Variants in ERAP1 observed in about 807,000 individuals in gnomAD.
ERAP1 encodes endoplasmic reticulum aminopeptidase 1, also known as adipocyte-derived leucine aminopeptidase.
ERAP1 carries 86 observed loss-of-function variants against 103.7 expected under a neutral mutation model. The observed-to-expected ratio is 0.83, with a 90% confidence interval of 0.70 to 0.99. ERAP1 has a LOEUF of 0.99. ERAP1 is among the 50% of genes least tolerant of loss of function. The pLI is 0.00. For synonymous variants in ERAP1, 398 were observed against 402.4 expected (o/e 0.99, Z 0.13); for missense variants, 1,009 against 1,128.4 (o/e 0.89, Z 1.52).
the ERAP1 span, chr5:96,889,631 G>A: frequency 3.1e-6 from 2 of 637,476 alleles, no homozygotes; most frequent in East Asian, 2.6e-5. Context: ...AAGAGATGGG[G>A]AGAAAAAGAA....
chr5:96,891,000 C>T, the ERAP1 span, among the ~76,000 whole-genome samples: 11 of 152,206 alleles, frequency 7.2e-5, no homozygotes, highest in East Asian at 1.9e-3. Context: ...AGATATAAGT[C>T]CCACTACTAT....
At chr5:96,760,928 A>G (rs576329063) in exon 20 of ERAP1, 1 of 152,144 alleles carries the variant, frequency 6.6e-6, no homozygotes, top group South Asian at 2.1e-4. Flanking sequence ...ACTAAAAAGC[A>G]TTTTTCAGTA....
At chr5:96,877,242 T>C in the ERAP1 span, among the ~76,000 whole-genome samples, 3 of 152,244 alleles carry the variant, frequency 2.0e-5, no homozygotes, top group Non-Finnish European at 2.9e-5. Flanking sequence ...CCCAAAATGC[T>C]GGCATTACAG....
At chr5:96,797,898 G>C (rs953519823) in intron 3 of ERAP1, among the ~76,000 whole-genome samples, 1 of 152,158 alleles carries the variant, frequency 6.6e-6, no homozygotes, top group African/African-American at 2.4e-5. Flanking sequence ...CCAAGATGTG[G>C]CTGATCCACT....
In ERAP1 at chr5:96,774,900, A is replaced by AT. The variant is rs138292903; in HGVS notation, c.*1495dup. Reference sequence around the variant, plus strand: ...ATTTTGTCGTGTATTAGGGGAACACATTTTGACATTTTTCGTACCAATCAT... The same window carrying AT: ...ATTTTGTCGTGTATTAGGGGAACACATTTTTGACATTTTTCGTACCAATCAT... On this transcript the variant is annotated 3_prime_UTR_variant, in exon 19 of 19. Coordinates refer to ENST00000443439, the MANE Select transcript of ERAP1 (RefSeq NM_001040458.3). The AT allele has an allele frequency of 0.071, 69,646 of 985,428 alleles. 2,668 individuals are homozygous for AT. The highest frequency in any genetic ancestry group is 0.13 in the South Asian group (2,812 of 21,280). 61.0% of individuals were successfully genotyped at this position (985,428 alleles called of 1,614,324 possible).
the ERAP1 span, among the ~76,000 whole-genome samples, chr5:96,911,796 G>C: frequency 6.9e-6 from 1 of 145,276 alleles, no homozygotes; most frequent in Non-Finnish European, 1.5e-5. Context: ...TTGTGCAGGA[G>C]GCTGAGGCTA....
chr5:96,873,017 C>T, the ERAP1 span, among the ~76,000 whole-genome samples: 887 of 151,980 alleles, frequency 5.8e-3, 9 homozygotes, highest in African/African-American at 0.02. Context: ...GGTGAAACCC[C>T]GTCTCTACTA....
the ERAP1 span, among the ~76,000 whole-genome samples, chr5:96,894,082 C>G: frequency 1.3e-5 from 2 of 152,202 alleles, no homozygotes; most frequent in African/African-American, 4.8e-5. Flanking sequence ...TATTTGTCTA[C>G]TGGTTGACCT....
At chr5:96,808,884 A>G (rs1778975572), upstream of ERAP1, among the ~76,000 whole-genome samples, 1 of 152,228 alleles carries the variant, frequency 6.6e-6, no homozygotes, top group African/African-American at 2.4e-5. Flanking sequence ...TGCGCAAGAA[A>G]GAATTTGAGG....
chr5:96,890,109 T>A, the ERAP1 span, among the ~76,000 whole-genome samples: 1 of 152,190 alleles, frequency 6.6e-6, no homozygotes, highest in African/African-American at 2.4e-5. Context: ...ATGATACTCA[T>A]AGTCTATCTT....
chr5:96,776,501 A>G lies in ERAP1; in HGVS notation c.2721T>C (p.Cys907=). Reference sequence around the variant, plus strand: ...CAATGGTTTCAATTGTCTGTTGGACACAACGGAGCTGAGAACCATTTTCTT... The same window carrying G: ...CAATGGTTTCAATTGTCTGTTGGACGCAACGGAGCTGAGAACCATTTTCTT... The part of the protein sequence containing the change: ...SLKENGSQLR[C]VQQTIETIEE... The change falls in exon 19 of 19, where the codon TGT becomes TGC. Residue 907 remains cysteine (C), a synonymous_variant. Transcript: ENST00000443439. 1 of 1,614,222 alleles carries G rather than the reference A, an allele frequency of 6.2e-7. No individual in the cohort carries two copies. The highest frequency in any genetic ancestry group is 1.3e-5 in the African/African-American group (1 of 75,088).
At chr5:96,770,682 C>T (rs1458124893), downstream of ERAP1, 3 of 932,808 alleles carry the variant, frequency 3.2e-6, no homozygotes, top group East Asian at 4.9e-5. Flanking sequence ...CATTTAGTTT[C>T]CTACTGGAAT....
rs1774155072 is a variant in ERAP1, at chr5:96,775,801, C to T, written c.*595G>A. ...CAAGGGAATCAGGGAAGAACACCTC[C>T]ACCTACTACCTCCTCCGACCCCAGC... On this transcript the variant is annotated 3_prime_UTR_variant, in exon 19 of 19. Coordinates refer to ENST00000443439, the MANE Select transcript of ERAP1 (RefSeq NM_001040458.3). 2 of 282,584 alleles carry T rather than the reference C, an allele frequency of 7.1e-6. No homozygotes were observed. Among genetic ancestry groups the T allele is most frequent in the East Asian group, 1.7e-4 (1 of 5,846 alleles). 17.5% of individuals were successfully genotyped at this position (282,584 alleles called of 1,614,324 possible).
the ERAP1 span, among the ~76,000 whole-genome samples, chr5:96,923,695 A>C: frequency 6.8e-6 from 1 of 147,550 alleles, no homozygotes; most frequent in African/African-American, 2.5e-5. Context: ...CTCTGTCTCA[A>C]AAAAAAAAAA....
chr5:96,930,213 T>C, the ERAP1 span, among the ~76,000 whole-genome samples: 1 of 152,142 alleles, frequency 6.6e-6, no homozygotes, highest in African/African-American at 2.4e-5. Flanking sequence ...CCTCTAGTTT[T>C]TTGCCTGATA....
At chr5:96,808,373 C>T (rs1188884170), upstream of ERAP1, among the ~76,000 whole-genome samples, 1 of 151,186 alleles carries the variant, frequency 6.6e-6, no homozygotes, top group Non-Finnish European at 1.5e-5. Context: ...GCCAGGCAGG[C>T]GCTGACAAGT....
At chr5:96,838,908 T>C in the ERAP1 span, among the ~76,000 whole-genome samples, 1 of 152,188 alleles carries the variant, frequency 6.6e-6, no homozygotes, top group African/African-American at 2.4e-5. Context: ...CAATCTCCTA[T>C]AAAACTGCTC....
chr5:96,846,353 C>G, the ERAP1 span, among the ~76,000 whole-genome samples: 1 of 152,178 alleles, frequency 6.6e-6, no homozygotes, highest in Non-Finnish European at 1.5e-5. Context: ...TGAAAGTTTT[C>G]TGCACATTAG....
At chr5:96,847,944 C>G in the ERAP1 span, among the ~76,000 whole-genome samples, 7,271 of 149,342 alleles carry the variant, frequency 0.049, 214 homozygotes, top group South Asian at 0.11. Context: ...AGAGTTAGTA[C>G]AAGGAAGGAA....
Sources: gnomAD v4.1 joint callset for allele counts (sites outside exome capture counted in the v4.1 genomes callset) on GRCh38, gnomAD v4.1.1 for gene constraint, MANE v1.5 for transcripts, NCBI Gene and HGNC (gene_info 2026-07-23, HGNC 2026-07-21) for gene names.